COL22A1: variants seen among roughly 807,000 people sequenced by gnomAD.
The protein encoded by COL22A1 is collagen type XXII alpha 1 chain.
In COL22A1, 221 loss-of-function variants were observed where a neutral mutation model predicts 248.9. The ratio of observed to expected loss-of-function variants is 0.89; its 90% confidence interval spans 0.80 to 0.99. The LOEUF is 0.99. Ranked by LOEUF, COL22A1 falls within the 50% of genes least tolerant of loss-of-function variation. COL22A1 has a pLI of 0.00. For synonymous variants in COL22A1, 891 were observed against 793.4 expected, an observed-to-expected ratio of 1.12 and a Z score of -2.07; for missense variants, 2,240 against 2,179.0, an observed-to-expected ratio of 1.03 and a Z score of -0.56.
intron 2 of COL22A1, among the ~76,000 whole-genome samples, chr8:138,881,104 C>G (rs1036152886): frequency 2.0e-5 from 3 of 152,138 alleles, no homozygotes; most frequent in African/African-American, 7.2e-5. Context: ...TGGGGCCCAC[C>G]ATTTTCTACT....
Position 138,593,986 on chromosome 8 carries a change from C to T in COL22A1, c.4615+31G>A, listed in dbSNP as rs200938042. 2.7e-4 allele frequency: 397 copies of T among 1,474,678 alleles called. 2 individuals carry two copies. Among genetic ancestry groups the T allele is most frequent in the Middle Eastern group, 1.6e-3 (9 of 5,530 alleles). The allele number at this position is 1,474,678 out of a possible 1,614,324, so 91.3% of individuals were successfully genotyped here. On this transcript the variant is annotated intron_variant, in intron 63 of 64. Transcript: ENST00000303045. ...TCCTTCTCCGCCCTCCAGGAGTACA[C>T]GGAGCATATCTCCTCCAGGTCTTCA...
intron 41 of COL22A1, among the ~76,000 whole-genome samples, chr8:138,675,629 G>C (rs796401235): frequency 5.3e-5 from 8 of 152,302 alleles, no homozygotes; most frequent in African/African-American, 1.9e-4. Flanking sequence ...TAAGGACAAA[G>C]TAAATGCACT....
intron 39 of COL22A1, 49 bp from the exon 40 acceptor site, chr8:138,679,725 C>G: frequency 1.3e-6 from 2 of 1,539,254 alleles, no homozygotes; most frequent in Non-Finnish European, 1.8e-6. Context: ...AAATGTTTAC[C>G]AAGCACCTAA....
At chr8:138,669,006 C>G (rs1318448445) in intron 41 of COL22A1, among the ~76,000 whole-genome samples, 1 of 152,200 alleles carries the variant, frequency 6.6e-6, no homozygotes, top group African/African-American at 2.4e-5. Context: ...AGAAGTCAGA[C>G]TCTGTGCTCA....
rs150353502 is a variant in COL22A1, at chr8:138,717,883, C to T, written c.2356-1014G>A. Among the ~76,000 whole-genome samples, 211 of 152,266 alleles carry T rather than the reference C, an allele frequency of 1.4e-3. 1 individual carries two copies. The highest frequency in any genetic ancestry group is 4.6e-3 in the African/African-American group (191 of 41,550). ...AGCGCGGACTATCATCTTTATCCAA[C>T]CATGTGTCTTTAAGATAACTAGCTT... On this transcript the variant is annotated intron_variant, in intron 27 of 64. Coordinates refer to ENST00000303045, the MANE Select transcript of COL22A1 (RefSeq NM_152888.3).
chr8:138,657,898 A>G lies in COL22A1; in HGVS notation c.3286-1954T>C, dbSNP rs76597461. Reference sequence around the variant, plus strand: ...GGGACAGCTTGGTGGTTCCATTCACACTCCAGAGTTCCATGTGGGATCAGG... The same window carrying G: ...GGGACAGCTTGGTGGTTCCATTCACGCTCCAGAGTTCCATGTGGGATCAGG... On this transcript the variant is annotated intron_variant, in intron 44 of 64. Coordinates refer to ENST00000303045, the MANE Select transcript of COL22A1 (RefSeq NM_152888.3). Among the ~76,000 whole-genome samples the G allele has an allele frequency of 4.3e-3, 661 of 152,082 alleles. 15 individuals are homozygous for G. In the East Asian group the frequency reaches 0.074, roughly 17 times the overall value.
At chr8:138,907,202 G>T (rs1815096800) in intron 1 of COL22A1, among the ~76,000 whole-genome samples, 1 of 152,192 alleles carries the variant, frequency 6.6e-6, no homozygotes, top group African/African-American at 2.4e-5. Flanking sequence ...TTCCCTAGGG[G>T]AGCCTGTGGC....
In COL22A1 at chr8:138,589,268, A is replaced by T. The variant is rs1024343126; in HGVS notation, c.4866T>A (p.Asn1622Lys). ...CCAGAGTCCTTTAGGGACCCTTCAC[A>T]TTACCCGGCCGGGCAGCAAGGCTGG... ...YFASLAARPG[N>K]VKGP The change falls in exon 65 of 65, where the codon AAT becomes AAA. Residue 1622 changes from asparagine to lysine, a missense_variant. Asn to Lys is a moderately conservative substitution (Grantham distance 94, BLOSUM62 0). Coordinates refer to ENST00000303045, the MANE Select transcript of COL22A1 (RefSeq NM_152888.3). The T allele has an allele frequency of 1.2e-6, 2 of 1,613,722 alleles. No individual in the cohort carries two copies. The highest frequency in any genetic ancestry group is 1.7e-5 in the Admixed American group (1 of 59,988).
chr8:138,883,148 C>T lies in COL22A1; in HGVS notation c.25G>A (p.Val9Met), dbSNP rs1824373600. Residue 9 changes from valine (V) to methionine (M), a missense_variant, in exon 2 of 65, where the codon GTG becomes ATG. Coordinates refer to ENST00000303045, the MANE Select transcript of COL22A1 (RefSeq NM_152888.3). ...AGCAGCATCCAGAGGAGGCCAGCCACAGCGTTCCCTCGGAGGCCGGCCATG... is the reference window on the plus strand; with the variant it reads ...AGCAGCATCCAGAGGAGGCCAGCCATAGCGTTCCCTCGGAGGCCGGCCATG... MAGLRGNA[V>M]AGLLWMLLLW... The T allele has an allele frequency of 6.3e-7, 1 of 1,597,962 alleles. No homozygotes were observed. Among genetic ancestry groups the T allele is most frequent in the Non-Finnish European group, 8.5e-7 (1 of 1,172,712 alleles).
At chr8:138,892,194 A>T (rs1184354934) in intron 1 of COL22A1, among the ~76,000 whole-genome samples, 1 of 152,156 alleles carries the variant, frequency 6.6e-6, no homozygotes. Flanking sequence ...TCTGGAAGAG[A>T]TTGTGGAAAA....
At chr8:138,850,610 T>C (rs1821566282) in intron 3 of COL22A1, among the ~76,000 whole-genome samples, 1 of 152,160 alleles carries the variant, frequency 6.6e-6, no homozygotes, top group Non-Finnish European at 1.5e-5. Flanking sequence ...GGTAAGGGCC[T>C]GCCAGGGCCA....
chr8:138,789,700 A>T (rs1431275705), intron 12 of COL22A1, among the ~76,000 whole-genome samples: 1 of 152,226 alleles, frequency 6.6e-6, no homozygotes, highest in Non-Finnish European at 1.5e-5. Context: ...GCCGTGGTGA[A>T]AAATGGGGGA....
chr8:138,721,948 T>G, intron 26 of COL22A1, 88 bp downstream of exon 26: 2 of 1,057,296 alleles, frequency 1.9e-6, no homozygotes, highest in Non-Finnish European at 1.4e-6. Flanking sequence ...GGCAATTGAC[T>G]TGTTGTAGAA....
intron 15 of COL22A1, 87 bp from the exon 16 acceptor site, chr8:138,776,097 G>A: frequency 7.4e-7 from 1 of 1,343,556 alleles, no homozygotes; most frequent in East Asian, 2.3e-5. Context: ...GAAACTGCCT[G>A]GCAGCTTCCA....
At chr8:138,652,788 C>T (rs1199232281) in intron 45 of COL22A1, among the ~76,000 whole-genome samples, 72 of 107,260 alleles carry the variant, frequency 6.7e-4, no homozygotes, top group African/African-American at 2.3e-3. Flanking sequence ...GCTCTGTCAC[C>T]CAGCTTGGAG....
chr8:138,805,173 G>A (rs1429589035), intron 10 of COL22A1, among the ~76,000 whole-genome samples: 4 of 143,874 alleles, frequency 2.8e-5, no homozygotes, highest in Non-Finnish European at 4.5e-5. Context: ...GAGGGTGTGT[G>A]TGTGTGGTGT....
chr8:138,760,551 G>A (rs939933798), intron 17 of COL22A1, among the ~76,000 whole-genome samples: 2 of 152,134 alleles, frequency 1.3e-5, no homozygotes, highest in Non-Finnish European at 2.9e-5. Context: ...AGAAAACAAA[G>A]GACCCCTTCC....
chr8:138,654,548 A>G (rs1415828849), intron 45 of COL22A1, among the ~76,000 whole-genome samples: 36 of 152,282 alleles, frequency 2.4e-4, no homozygotes, highest in Non-Finnish European at 3.5e-4. Flanking sequence ...AACAAGAGGG[A>G]AGGAAGGGAC....
At chr8:138,602,648 G>GC (rs1301770806) in intron 59 of COL22A1, among the ~76,000 whole-genome samples, 1 of 152,134 alleles carries the variant, frequency 6.6e-6, no homozygotes, top group Non-Finnish European at 1.5e-5. Context: ...TCTTCAGGAA[G>GC]CCCCCCGATC....
Sources: gnomAD v4.1 joint callset for allele counts (sites outside exome capture counted in the v4.1 genomes callset) on GRCh38, gnomAD v4.1.1 for gene constraint, MANE v1.5 for transcripts, NCBI Gene and HGNC (gene_info 2026-07-23, HGNC 2026-07-21) for gene names.